SHROOM3: variants seen among roughly 807,000 people sequenced by gnomAD.
SHROOM3 encodes the protein shroom family member 3, also known as protein Shroom3.
SHROOM3 carries 47 observed loss-of-function variants against 138.6 expected under a neutral mutation model. The ratio of observed to expected loss-of-function variants is 0.34; its 90% CI spans 0.27 to 0.43. SHROOM3 has a LOEUF of 0.43. Among genes scored for constraint, SHROOM3 ranks in the 20% least tolerant of loss-of-function variants. SHROOM3 has a pLI of 1.00. For synonymous variants in SHROOM3, 1,062 were observed against 1,063.3 expected (o/e 1.00, Z 0.02); for missense variants, 2,491 against 2,596.5 (o/e 0.96, Z 0.88).
Position 76,779,392 on chromosome 4 carries a change from T to C in SHROOM3, c.*215T>C. The C allele has an allele frequency of 1.8e-6, 1 of 553,544 alleles. No homozygotes were observed. 34.3% of individuals were successfully genotyped at this position (553,544 alleles called of 1,614,324 possible). Reference sequence around the variant, plus strand: ...TCGAATGCTGCTGGACACGTACCCCTTTCTATTATTACTTTGTAGTAGAAA... The same window carrying C: ...TCGAATGCTGCTGGACACGTACCCCCTTCTATTATTACTTTGTAGTAGAAA... On this transcript the variant is annotated 3_prime_UTR_variant, in exon 11 of 11. Transcript: ENST00000296043.
intron 1 of SHROOM3, among the ~76,000 whole-genome samples, chr4:76,439,933 A>G (rs1196843578): frequency 3.9e-5 from 6 of 152,218 alleles, no homozygotes; most frequent in African/African-American, 1.4e-4. Flanking sequence ...GTAATCTGTG[A>G]ACTTCAAAAA....
At position 76,611,975 on chromosome 4, in the gene SHROOM3, A is replaced by G. The variant is rs1734772793; in HGVS notation, c.323+56212A>G. Among the ~76,000 whole-genome samples the G allele has an allele frequency of 2.0e-5, 3 of 152,194 alleles. No homozygotes were observed. The South Asian group carries it at 6.2e-4, about 31-fold the overall frequency. On this transcript the variant is annotated intron_variant, in intron 2 of 10. Coordinates refer to ENST00000296043, the MANE Select transcript of SHROOM3 (RefSeq NM_020859.4). ...TTTTCCTTCTTGAAATATTCTTAGA[A>G]CAATGTTTTCATTTTCTCCAAGGAA...
At chr4:76,692,344 G>T (rs529666387) in intron 2 of SHROOM3, among the ~76,000 whole-genome samples, 2 of 152,194 alleles carry the variant, frequency 1.3e-5, no homozygotes, top group African/African-American at 4.8e-5. Flanking sequence ...GGCATCCCAG[G>T]AACTGGCGAT....
intron 1 of SHROOM3, among the ~76,000 whole-genome samples, chr4:76,488,611 C>A (rs549094242): frequency 1.7e-3 from 258 of 152,260 alleles, no homozygotes; most frequent in Non-Finnish European, 2.5e-3. Context: ...TTCTTAGACT[C>A]TTTTCCACAG....
At chr4:76,735,974 G>A (rs1393299526) in intron 4 of SHROOM3, among the ~76,000 whole-genome samples, 1 of 144,598 alleles carries the variant, frequency 6.9e-6, no homozygotes, top group Non-Finnish European at 1.5e-5. Context: ...TTGATTTGTT[G>A]TGTGTGTTCC....
At position 76,436,238 on chromosome 4, in the gene SHROOM3, AT is replaced by A; in HGVS notation, c.168+19del. ...TCTCTAAGGTATGTTTCTTTTTCCA[AT>A]ATTGCCTTTATTCAAATTGTTTTTT... On this transcript the variant is annotated intron_variant, in intron 1 of 10. Transcript: ENST00000296043. The A allele has an allele frequency of 6.2e-7, 1 of 1,613,524 alleles. No individual in the cohort carries two copies. The highest frequency in any genetic ancestry group is 8.5e-7 in the Non-Finnish European group (1 of 1,179,646).
intron 1 of SHROOM3, among the ~76,000 whole-genome samples, chr4:76,440,018 A>T (rs1579154176): frequency 6.6e-6 from 1 of 152,242 alleles, no homozygotes; most frequent in African/African-American, 2.4e-5. Flanking sequence ...AGTTGGTGGC[A>T]TGATTTTATT....
At chr4:76,547,632 A>G (rs4464594) in intron 1 of SHROOM3, among the ~76,000 whole-genome samples, 131,459 of 152,068 alleles carry the variant, frequency 0.86, 57,387 homozygotes, top group East Asian at 0.97. Flanking sequence ...ATACGTAAGT[A>G]AAAAATAGAG....
At chr4:76,706,390 G>A (rs1720053310) in intron 2 of SHROOM3, among the ~76,000 whole-genome samples, 1 of 152,208 alleles carries the variant, frequency 6.6e-6, no homozygotes, top group African/African-American at 2.4e-5. Context: ...TGGGATTACA[G>A]GCGTGAGCCA....
At chr4:76,461,826 G>A (rs966601626) in intron 1 of SHROOM3, among the ~76,000 whole-genome samples, 3 of 152,160 alleles carry the variant, frequency 2.0e-5, no homozygotes, top group Non-Finnish European at 2.9e-5. Context: ...GTTGCAATTG[G>A]CATTACTTGA....
At chr4:76,589,323 C>T (rs528046651) in intron 2 of SHROOM3, among the ~76,000 whole-genome samples, 12 of 152,144 alleles carry the variant, frequency 7.9e-5, no homozygotes, top group Non-Finnish European at 1.6e-4. Context: ...CAAAATTAGC[C>T]AGGCTTGGTG....
intron 1 of SHROOM3, among the ~76,000 whole-genome samples, chr4:76,441,653 T>C (rs1001103805): frequency 2.0e-5 from 3 of 152,226 alleles, no homozygotes; most frequent in Non-Finnish European, 2.9e-5. Flanking sequence ...GTTCAATCTA[T>C]CTTTGTCCTG....
At chr4:76,608,531 A>ATAGCATAGCATAGCATAGCATAGCG (rs1734671126) in intron 2 of SHROOM3, among the ~76,000 whole-genome samples, 9 of 13,784 alleles carry the variant, frequency 6.5e-4, no homozygotes, top group African/African-American at 2.1e-3. Context: ...CAGAGATGGC[A>ATAGCATAGCATAGCATAGCATAGCG]TAGCATAGCA....
intron 1 of SHROOM3, among the ~76,000 whole-genome samples, chr4:76,443,911 T>C (rs1430987281): frequency 6.6e-6 from 1 of 152,214 alleles, no homozygotes; most frequent in Non-Finnish European, 1.5e-5. Context: ...GCAGTATTTT[T>C]TTCTTGGAGA....
intron 2 of SHROOM3, among the ~76,000 whole-genome samples, chr4:76,671,854 T>G (rs1225792495): frequency 6.6e-6 from 1 of 152,206 alleles, no homozygotes; most frequent in Non-Finnish European, 1.5e-5. Flanking sequence ...TTTTGGATTT[T>G]GATATTTTTG....
intron 1 of SHROOM3, among the ~76,000 whole-genome samples, chr4:76,504,636 T>C (rs1206194877): frequency 2.0e-5 from 3 of 152,228 alleles, no homozygotes; most frequent in Admixed American, 2.0e-4. Context: ...ATTAATAATA[T>C]AGTATGTGTA....
Position 76,565,270 on chromosome 4 carries a change from C to T in SHROOM3, c.323+9507C>T, listed in dbSNP as rs147045031. 2.4e-3 allele frequency among the ~76,000 whole-genome samples: 366 copies of T among 152,142 alleles called. 3 individuals carry two copies. Among genetic ancestry groups the T allele is most frequent in the African/African-American group, 8.3e-3 (346 of 41,494 alleles). On this transcript the variant is annotated intron_variant, in intron 2 of 10. Coordinates refer to ENST00000296043, the MANE Select transcript of SHROOM3 (RefSeq NM_020859.4). ...AAAAGTTATGGTGGAATCTTTCCCC[C>T]CAGTTTTAAATTTGGATGCATCAGC...
chr4:76,699,474 C>T (rs1339561361), intron 2 of SHROOM3, among the ~76,000 whole-genome samples: 3 of 152,156 alleles, frequency 2.0e-5, no homozygotes, highest in African/African-American at 7.2e-5. Context: ...TAGCCCAGAA[C>T]ATGAAAATGA....
intron 2 of SHROOM3, among the ~76,000 whole-genome samples, chr4:76,681,486 T>C (rs1470654840): frequency 6.6e-6 from 1 of 152,042 alleles, no homozygotes; most frequent in African/African-American, 2.4e-5. Context: ...AATTTCTATT[T>C]TGAGACCTCA....
Sources: allele counts gnomAD v4.1 joint callset (sites outside exome capture counted in the v4.1 genomes callset), GRCh38; gene constraint gnomAD v4.1.1; transcripts MANE v1.5; gene names NCBI Gene and HGNC (gene_info 2026-07-23, HGNC 2026-07-21).